DRC9: variants seen among roughly 807,000 people sequenced by gnomAD.
DRC9 encodes the protein dynein regulatory complex subunit 9.
At chr3:197,916,858 C>T in the DRC9 span, among the ~76,000 whole-genome samples, 1 of 150,302 alleles carries the variant, frequency 6.7e-6, no homozygotes, top group African/African-American at 2.5e-5. Context: ...TTGGGCCACA[C>T]ACAAAATACA....
At chr3:197,896,148 GC>G in the DRC9 span, among the ~76,000 whole-genome samples, 1 of 151,698 alleles carries the variant, frequency 6.6e-6, no homozygotes, top group East Asian at 1.9e-4. Flanking sequence ...TTTGAGACCA[GC>G]CTGACCAACA....
At chr3:197,947,483 G>A in the DRC9 span, among the ~76,000 whole-genome samples, 2 of 152,166 alleles carry the variant, frequency 1.3e-5, no homozygotes, top group Non-Finnish European at 2.9e-5. Context: ...CTGGGCTCCA[G>A]CCACAGTGGG....
chr3:197,919,459 G>A, the DRC9 span, among the ~76,000 whole-genome samples: 3 of 152,166 alleles, frequency 2.0e-5, no homozygotes, highest in Admixed American at 6.5e-5. Flanking sequence ...CTACAACCTC[G>A]AATCCGAGTT....
chr3:197,952,041 ATTCC>A, the DRC9 span, among the ~76,000 whole-genome samples: 1 of 151,958 alleles, frequency 6.6e-6, no homozygotes, highest in East Asian at 1.9e-4. Context: ...AAAGGAGGTA[ATTCC>A]TTATATTGTG....
chr3:197,939,800 G>A, the DRC9 span, among the ~76,000 whole-genome samples: 7 of 151,928 alleles, frequency 4.6e-5, no homozygotes, highest in Non-Finnish European at 8.8e-5. Context: ...GTGCAGTGGC[G>A]CGATCTCGGC....
chr3:197,952,176 T>G, the DRC9 span, among the ~76,000 whole-genome samples: 1 of 139,932 alleles, frequency 7.1e-6, no homozygotes, highest in Non-Finnish European at 1.5e-5. Context: ...TTTTTTTTTT[T>G]TTTTTTTTTT....
chr3:197,910,718 G>A, the DRC9 span, among the ~76,000 whole-genome samples: 3 of 152,106 alleles, frequency 2.0e-5, no homozygotes, highest in East Asian at 1.9e-4. Flanking sequence ...GGTGGCTCAC[G>A]CCTGTAATCC....
the DRC9 span, among the ~76,000 whole-genome samples, chr3:197,923,504 CA>C: frequency 3.3e-5 from 5 of 152,114 alleles, no homozygotes; most frequent in Admixed American, 2.0e-4. Flanking sequence ...CCAAGGCAGA[CA>C]GATCACTTGA....
At chr3:197,958,643 T>C in the DRC9 span, 1 of 152,240 alleles carries the variant, frequency 6.6e-6, no homozygotes, top group Non-Finnish European at 1.5e-5. Context: ...GGTAGGCATC[T>C]GAGCAAAGCG....
the DRC9 span, chr3:197,958,186 AC>A: frequency 6.6e-6 from 1 of 152,164 alleles, no homozygotes; most frequent in Non-Finnish European, 1.5e-5. Context: ...CCTGCCCACA[AC>A]CTCCAGAGAA....
At chr3:197,946,604 G>A in the DRC9 span, among the ~76,000 whole-genome samples, 19 of 152,222 alleles carry the variant, frequency 1.2e-4, no homozygotes, top group African/African-American at 4.3e-4. Context: ...GACAGTGAGT[G>A]GTGAGTTTCC....
chr3:197,949,946 C>G, the DRC9 span: 3 of 435,872 alleles, frequency 6.9e-6, no homozygotes, highest in Admixed American at 8.8e-5. Context: ...TATGGCAACG[C>G]ACAGCTTTGG....
At chr3:197,943,702 T>C in the DRC9 span, 5,168 of 1,214,772 alleles carry the variant, frequency 4.3e-3, 183 homozygotes, top group African/African-American at 0.07. Flanking sequence ...ATAAGTACAT[T>C]TAATGGGATA....
the DRC9 span, among the ~76,000 whole-genome samples, chr3:197,907,913 C>T: frequency 6.6e-6 from 1 of 150,744 alleles, no homozygotes; most frequent in East Asian, 2.0e-4. Context: ...GAAGAGTGAC[C>T]CCTTTCCCAG....
the DRC9 span, among the ~76,000 whole-genome samples, chr3:197,891,953 A>C: frequency 6.6e-6 from 1 of 152,126 alleles, no homozygotes; most frequent in South Asian, 2.1e-4. Context: ...GCAGTGGCGC[A>C]GTGTTGGCTC....
the DRC9 span, among the ~76,000 whole-genome samples, chr3:197,911,318 T>C: frequency 6.6e-6 from 1 of 152,364 alleles, no homozygotes; most frequent in Middle Eastern, 3.4e-3. Flanking sequence ...GCAATGTTTA[T>C]TAAAAGTCAC....
the DRC9 span, among the ~76,000 whole-genome samples, chr3:197,908,394 C>T: frequency 1.5e-5 from 2 of 134,962 alleles, no homozygotes; most frequent in African/African-American, 5.8e-5. Flanking sequence ...ACCCCTTTCC[C>T]AGGCATCCTC....
At chr3:197,935,432 C>T in the DRC9 span, among the ~76,000 whole-genome samples, 1 of 140,664 alleles carries the variant, frequency 7.1e-6, no homozygotes, top group Non-Finnish European at 1.5e-5. Context: ...GAACGAGACT[C>T]TGTCTCCAAA....
the DRC9 span, among the ~76,000 whole-genome samples, chr3:197,933,750 C>CT: frequency 6.6e-6 from 1 of 151,656 alleles, no homozygotes; most frequent in Non-Finnish European, 1.5e-5. Flanking sequence ...TGTTGTGATA[C>CT]TTTTATTATG....
Sources: allele counts gnomAD v4.1 joint callset (sites outside exome capture counted in the v4.1 genomes callset), GRCh38; gene constraint gnomAD v4.1.1; transcripts MANE v1.5; gene names NCBI Gene and HGNC (gene_info 2026-07-23, HGNC 2026-07-21).